The following SPOCK1 variants were observed in gnomAD, a reference collection of about 807,000 sequenced individuals.
SPOCK1 encodes testican-1.
In SPOCK1, 23 loss-of-function variants were observed where a neutral mutation model predicts 55.3. That is an observed-to-expected ratio of 0.42 (90% CI 0.30 to 0.59). The LOEUF is 0.59. SPOCK1 is among the 20% of genes least tolerant of loss of function. The pLI is 0.22. For missense variants in SPOCK1, 499 were observed against 552.5 expected, an observed-to-expected ratio of 0.90 and a Z score of 0.97; for synonymous variants, 226 against 221.0, an observed-to-expected ratio of 1.02 and a Z score of -0.20.
At chr5:137,339,107 C>T (rs1490221752) in intron 2 of SPOCK1, among the ~76,000 whole-genome samples, 1 of 152,210 alleles carries the variant, frequency 6.6e-6, no homozygotes, top group African/African-American at 2.4e-5. Flanking sequence ...ATAACCCCAG[C>T]ATACAGCCAG....
chr5:137,125,910 GA>G (rs1455583211), intron 4 of SPOCK1, among the ~76,000 whole-genome samples: 1 of 152,178 alleles, frequency 6.6e-6, no homozygotes. Context: ...CACCCAGAAA[GA>G]AAAGGAGAGA....
intron 3 of SPOCK1, among the ~76,000 whole-genome samples, chr5:137,149,830 G>A (rs993197093): frequency 1.3e-5 from 2 of 152,204 alleles, no homozygotes; most frequent in East Asian, 3.8e-4. Context: ...AGAGATGTAA[G>A]TTTGAGAGGA....
intron 2 of SPOCK1, among the ~76,000 whole-genome samples, chr5:137,398,884 G>A (rs965983894): frequency 6.6e-6 from 1 of 152,132 alleles, no homozygotes; most frequent in Non-Finnish European, 1.5e-5. Flanking sequence ...AGGGCAGAGA[G>A]ACTAACCCAA....
chr5:137,457,128 C>T (rs1753383501), intron 2 of SPOCK1, among the ~76,000 whole-genome samples: 2 of 152,176 alleles, frequency 1.3e-5, no homozygotes, highest in South Asian at 4.1e-4. Flanking sequence ...TAAGATGAGG[C>T]TTCACTATCA....
At chr5:137,184,731 A>T (rs570505590) in intron 3 of SPOCK1, among the ~76,000 whole-genome samples, 3 of 152,274 alleles carry the variant, frequency 2.0e-5, no homozygotes, top group Admixed American at 6.5e-5. Flanking sequence ...GATCAGAAAC[A>T]GGTGCATGCA....
At chr5:137,272,455 C>T (rs1691318796) in intron 2 of SPOCK1, among the ~76,000 whole-genome samples, 1 of 152,184 alleles carries the variant, frequency 6.6e-6, no homozygotes, top group Admixed American at 6.5e-5. Context: ...GTACAAAACA[C>T]TCCATTTATT....
At chr5:137,487,935 T>C (rs761062751) in intron 2 of SPOCK1, among the ~76,000 whole-genome samples, 8 of 152,248 alleles carry the variant, frequency 5.3e-5, no homozygotes, top group Non-Finnish European at 1.0e-4. Context: ...GCACTCATAT[T>C]AATTTATTGC....
rs140232529 is a variant in SPOCK1, at chr5:137,043,409, A to G, written c.589+24306T>C. Among the ~76,000 whole-genome samples the G allele has an allele frequency of 2.4e-3, 361 of 152,286 alleles. 5 individuals carry two copies. The highest frequency in any genetic ancestry group is 0.023 in the Admixed American group (347 of 15,290). Reference sequence around the variant, plus strand: ...TACCCTGAAGCATCTACATAAGGAGATGGAACATTAAATACCTACTCTTTA... The same window carrying G: ...TACCCTGAAGCATCTACATAAGGAGGTGGAACATTAAATACCTACTCTTTA... On this transcript the variant is annotated intron_variant, in intron 6 of 10. Coordinates refer to ENST00000394945, the MANE Select transcript of SPOCK1 (RefSeq NM_004598.4).
chr5:137,312,510 T>A (rs1157298196), intron 2 of SPOCK1, among the ~76,000 whole-genome samples: 4 of 152,206 alleles, frequency 2.6e-5, no homozygotes, highest in Non-Finnish European at 5.9e-5. Context: ...GAATTTTGGT[T>A]GTTTTTTTTA....
At chr5:137,435,156 A>G (rs966730554) in intron 2 of SPOCK1, among the ~76,000 whole-genome samples, 13 of 152,232 alleles carry the variant, frequency 8.5e-5, no homozygotes, top group African/African-American at 3.1e-4. Context: ...TTCTTTAAGT[A>G]ACCTCTCATT....
At chr5:137,023,845 G>A (rs1432484298) in intron 6 of SPOCK1, among the ~76,000 whole-genome samples, 1 of 151,910 alleles carries the variant, frequency 6.6e-6, no homozygotes, top group Non-Finnish European at 1.5e-5. Flanking sequence ...AAGACATTGA[G>A]TATCATTAGC....
chr5:137,178,962 A>G (rs1754914865), intron 3 of SPOCK1, among the ~76,000 whole-genome samples: 1 of 152,208 alleles, frequency 6.6e-6, no homozygotes, highest in Non-Finnish European at 1.5e-5. Context: ...GGCCCAGAAG[A>G]GCAGGTACTT....
At chr5:137,041,429 C>G (rs184495471) in intron 6 of SPOCK1, among the ~76,000 whole-genome samples, 12 of 152,000 alleles carry the variant, frequency 7.9e-5, no homozygotes, top group Middle Eastern at 3.4e-3. Flanking sequence ...GGTGCTGAAC[C>G]AAAATCACAA....
Position 137,299,838 on chromosome 5 carries a change from T to A in SPOCK1, c.187-32783A>T, listed in dbSNP as rs114041480. Among the ~76,000 whole-genome samples the A allele has an allele frequency of 3.6e-3, 547 of 152,296 alleles. 1 individual carries two copies. Among genetic ancestry groups the A allele is most frequent in the South Asian group, 6.6e-3 (32 of 4,826 alleles). The stretch of plus-strand genomic sequence containing the variant: ...TGGCTGCTTTAAAACTTTCTCTTTC[T>A]TTTGGTTCTTAGCATTTTGGCTATA... On this transcript the variant is annotated intron_variant, in intron 2 of 10. Transcript: ENST00000394945.
intron 5 of SPOCK1, among the ~76,000 whole-genome samples, chr5:137,093,734 C>T (rs887694122): frequency 5.3e-5 from 8 of 152,020 alleles, no homozygotes; most frequent in South Asian, 2.1e-4. Flanking sequence ...GCAGAGGGAA[C>T]GGGATGTTCA....
intron 2 of SPOCK1, among the ~76,000 whole-genome samples, chr5:137,294,543 C>T (rs574948300): frequency 6.6e-6 from 1 of 152,330 alleles, no homozygotes; most frequent in South Asian, 2.1e-4. Context: ...ACTGAAAACA[C>T]AAAGGCCAAG....
At chr5:137,369,907 C>A (rs531591331) in intron 2 of SPOCK1, among the ~76,000 whole-genome samples, 1 of 152,192 alleles carries the variant, frequency 6.6e-6, no homozygotes, top group Admixed American at 6.5e-5. Flanking sequence ...TCTCCAAATA[C>A]CATCACACTG....
intron 5 of SPOCK1, among the ~76,000 whole-genome samples, chr5:137,111,555 G>A (rs1305636909): frequency 6.6e-6 from 1 of 152,102 alleles, no homozygotes; most frequent in Non-Finnish European, 1.5e-5. Context: ...ATATGAAAAT[G>A]AAGAAGCAAA....
intron 6 of SPOCK1, among the ~76,000 whole-genome samples, chr5:137,019,009 A>C (rs1401099409): frequency 2.6e-5 from 4 of 152,170 alleles, no homozygotes; most frequent in Admixed American, 6.5e-5. Flanking sequence ...ACATACACAA[A>C]AGTGTTTCAC....
Sources: allele counts gnomAD v4.1 joint callset (sites outside exome capture counted in the v4.1 genomes callset), GRCh38; gene constraint gnomAD v4.1.1; transcripts MANE v1.5; gene names NCBI Gene and HGNC (gene_info 2026-07-23, HGNC 2026-07-21).